FILIP1: variants seen among roughly 807,000 people sequenced by gnomAD.
FILIP1 encodes the protein filamin-A-interacting protein 1.
FILIP1 carries 61 observed loss-of-function variants against 102.1 expected under a neutral mutation model. That is an observed-to-expected ratio of 0.60 (90% confidence interval 0.49 to 0.74). The LOEUF (loss-of-function observed/expected upper bound fraction) is 0.74. Ranked by LOEUF, FILIP1 falls within the 30% of genes least tolerant of loss-of-function variation. The pLI is 0.00. For synonymous variants in FILIP1, 491 were observed against 526.9 expected, an observed-to-expected ratio of 0.93 and a Z score of 0.93; for missense variants, 1,314 against 1,441.2, an observed-to-expected ratio of 0.91 and a Z score of 1.43.
chr6:75,479,595 G>A lies in FILIP1; in HGVS notation c.-7+13819C>T, dbSNP rs536435694. ...TCATTTAAAAGAGTCTTGGTCAGGC[G>A]TGGTGGCTCATGCCTGTAATCCCAG... On this transcript the variant is annotated intron_variant, in intron 1 of 5. Coordinates refer to ENST00000237172, the MANE Select transcript of FILIP1 (RefSeq NM_015687.5). 5.3e-5 allele frequency among the ~76,000 whole-genome samples: 8 copies of A among 151,970 alleles called. No homozygotes were observed. In the East Asian group the frequency reaches 7.7e-4, roughly 15 times the overall value.
At chr6:75,424,331 C>T (rs1777566908) in intron 1 of FILIP1, among the ~76,000 whole-genome samples, 2 of 152,156 alleles carry the variant, frequency 1.3e-5, no homozygotes, top group Admixed American at 1.3e-4. Flanking sequence ...GATAAAGAAT[C>T]CCACTATTCC....
chr6:75,335,155 G>A (rs1774200935), intron 4 of FILIP1, among the ~76,000 whole-genome samples: 1 of 152,162 alleles, frequency 6.6e-6, no homozygotes, highest in Admixed American at 6.6e-5. Context: ...CTATGATTCA[G>A]CCAACAGGAG....
At chr6:75,371,380 T>C (rs1159373281) in intron 2 of FILIP1, among the ~76,000 whole-genome samples, 4 of 152,242 alleles carry the variant, frequency 2.6e-5, no homozygotes, top group Admixed American at 2.0e-4. Flanking sequence ...CAATTTCTTA[T>C]GTTAAAACTT....
At chr6:75,472,934 C>G (rs753710683) in intron 1 of FILIP1, among the ~76,000 whole-genome samples, 1 of 152,180 alleles carries the variant, frequency 6.6e-6, no homozygotes, top group African/African-American at 2.4e-5. Context: ...AGAAACAGCA[C>G]ATTTCGAAAT....
At chr6:75,422,013 C>CT (rs1387553818) in intron 1 of FILIP1, among the ~76,000 whole-genome samples, 1 of 152,034 alleles carries the variant, frequency 6.6e-6, no homozygotes, top group Non-Finnish European at 1.5e-5. Context: ...GGGTTTTTAA[C>CT]TTTTTTCCTT....
intron 4 of FILIP1, among the ~76,000 whole-genome samples, chr6:75,343,326 C>A (rs1774476191): frequency 6.6e-6 from 1 of 152,146 alleles, no homozygotes; most frequent in African/African-American, 2.4e-5. Context: ...TTATGGCAGA[C>A]CAAGCAAACT....
At chr6:75,433,664 T>G (rs1253251384) in intron 1 of FILIP1, among the ~76,000 whole-genome samples, 3 of 150,948 alleles carry the variant, frequency 2.0e-5, no homozygotes. Context: ...GCAGAAGCTC[T>G]TTTGCTGTGC....
In FILIP1 at chr6:75,315,167, T is replaced by C; in HGVS notation, c.665A>G (p.Gln222Arg). Residue 222 changes from glutamine (Q) to arginine (R), a missense_variant, in exon 5 of 6, where the codon CAA becomes CGA. Gln to Arg is a conservative substitution (Grantham distance 43). Transcript: ENST00000237172. ...AGCATTTTCCTTTTCTTTGCGGGCT[T>C]GATAAGCCTTTTCTTGTTCAAGGAG... ...KKLLEQEKAY[Q>R]ARKEKENAKR... 6.3e-7 allele frequency: 1 copy of C among 1,575,962 alleles called. No homozygotes were observed. The highest frequency in any genetic ancestry group is 8.6e-7 in the Non-Finnish European group (1 of 1,166,006).
intron 3 of FILIP1, chr6:75,360,745 G>T (rs1452769910): frequency 6.6e-6 from 1 of 152,156 alleles, no homozygotes; most frequent in African/African-American, 2.4e-5. Context: ...TACCCTCGCT[G>T]GGCCTAATAT....
rs895743026 is a variant in FILIP1 at position 75,335,062 on chromosome 6, C to G, written c.629+18477G>C. ...ATAAAATGTCAAATGGGCCTCACTC[C>G]CGATTTCTCAAACTAGCTAAACTCT... On this transcript the variant is annotated intron_variant, in intron 4 of 5. Coordinates refer to ENST00000237172, the MANE Select transcript of FILIP1 (RefSeq NM_015687.5). Among the ~76,000 whole-genome samples, 6 of 152,172 alleles carry G rather than the reference C, an allele frequency of 3.9e-5. No homozygotes were observed. In the East Asian group the frequency reaches 1.2e-3, roughly 29 times the overall value.
intron 2 of FILIP1, among the ~76,000 whole-genome samples, chr6:75,408,881 G>A (rs1168775698): frequency 1.3e-5 from 2 of 152,132 alleles, no homozygotes; most frequent in African/African-American, 4.8e-5. Context: ...ACCATCCTTA[G>A]AGTAGTGAAT....
intron 1 of FILIP1, among the ~76,000 whole-genome samples, chr6:75,464,899 A>G (rs753251503): frequency 3.9e-5 from 6 of 152,076 alleles, no homozygotes; most frequent in Admixed American, 2.6e-4. Flanking sequence ...CATCCAACCC[A>G]TCCAGAAATT....
At position 75,339,992 on chromosome 6, in the gene FILIP1, A is replaced by C. The variant is rs528358733; in HGVS notation, c.629+13547T>G. 2.4e-4 allele frequency among the ~76,000 whole-genome samples: 36 copies of C among 152,030 alleles called. No homozygotes were observed. The South Asian group carries it at 7.3e-3, about 31-fold the overall frequency. On this transcript the variant is annotated intron_variant, in intron 4 of 5. Transcript: ENST00000237172. ...TATATAATATAAAGTGTGTCCTGTCACTTCTTTTTAATGTATTTTTTAAAT... is the reference window on the plus strand; with the variant it reads ...TATATAATATAAAGTGTGTCCTGTCCCTTCTTTTTAATGTATTTTTTAAAT...
chr6:75,347,631 C>G (rs531419720), intron 4 of FILIP1, among the ~76,000 whole-genome samples: 1 of 152,244 alleles, frequency 6.6e-6, no homozygotes, highest in East Asian at 1.9e-4. Flanking sequence ...AGATATGAAA[C>G]TTTTCCTATA....
chr6:75,372,769 A>G (rs529328115), intron 2 of FILIP1, among the ~76,000 whole-genome samples: 7,929 of 95,128 alleles, frequency 0.083, 2,155 homozygotes, highest in South Asian at 0.14. Context: ...AAAGAAAGAA[A>G]GAAAGAAAGA....
In FILIP1 at chr6:75,474,758, A is replaced by G. The variant is rs530173525; in HGVS notation, c.-7+18656T>C. Among the ~76,000 whole-genome samples, 7 of 152,284 alleles carry G rather than the reference A, an allele frequency of 4.6e-5. No individual in the cohort carries two copies. In the South Asian group the frequency reaches 8.3e-4, roughly 18 times the overall value. On this transcript the variant is annotated intron_variant, in intron 1 of 5. Transcript: ENST00000237172. Reference sequence around the variant, plus strand: ...TGTCCCCACTCGAATCTCATATTAAATTGTAATCCCCAGTGTTGGAGGTGG... The same window carrying G: ...TGTCCCCACTCGAATCTCATATTAAGTTGTAATCCCCAGTGTTGGAGGTGG...
chr6:75,314,442 T>C lies in FILIP1; in HGVS notation c.1390A>G (p.Lys464Glu). Residue 464 changes from lysine to glutamate, a missense_variant, in exon 5 of 6, where the codon AAA becomes GAA. Physicochemically the swap from Lys to Glu is moderately conservative, Grantham distance 56. Transcript: ENST00000237172. ...ACCTCCAATTCATTTAGCAGGTCTT[T>C]GGTTAAGTTCTTTTCTTTCTCCAGA... ...LNLEKEKNLT[K>E]DLLNELEVVK... is the part of the protein sequence containing the mutation. 1 of 1,575,642 alleles carries C rather than the reference T, an allele frequency of 6.3e-7. No homozygotes were observed. Among genetic ancestry groups the C allele is most frequent in the East Asian group, 2.2e-5 (1 of 44,678 alleles).
intron 1 of FILIP1, among the ~76,000 whole-genome samples, chr6:75,431,040 A>T (rs777193765): frequency 1.5e-4 from 23 of 152,198 alleles, no homozygotes; most frequent in Non-Finnish European, 2.8e-4. Context: ...TTATAATAAG[A>T]CTACACTCTG....
chr6:75,367,531 G>A (rs548503319), intron 2 of FILIP1: 1 of 152,188 alleles, frequency 6.6e-6, no homozygotes, highest in African/African-American at 2.4e-5. Context: ...AGCTACTTGG[G>A]AGGCTGAGGC....
Sources: allele counts gnomAD v4.1 joint callset (sites outside exome capture counted in the v4.1 genomes callset), GRCh38; gene constraint gnomAD v4.1.1; transcripts MANE v1.5; gene names NCBI Gene and HGNC (gene_info 2026-07-23, HGNC 2026-07-21).